FHIT: variants seen among roughly 807,000 people sequenced by gnomAD.
FHIT encodes the protein bis(5'-adenosyl)-triphosphatase.
Under a neutral mutation model 17.9 loss-of-function variants are expected in FHIT, and 19 were observed. That is an observed-to-expected ratio of 1.06 (90% CI 0.74 to 1.56). The LOEUF is 1.56. Ranked by LOEUF, FHIT falls within the 40% of genes most tolerant of loss-of-function variation. The pLI is 0.00. For missense variants in FHIT, 248 were observed against 189.2 expected, an observed-to-expected ratio of 1.31 and a Z score of -1.82; for synonymous variants, 81 against 69.7, an observed-to-expected ratio of 1.16 and a Z score of -0.81.
At chr3:59,966,733 T>C (rs1385567986) in intron 7 of FHIT, among the ~76,000 whole-genome samples, 5 of 152,118 alleles carry the variant, frequency 3.3e-5, no homozygotes, top group Non-Finnish European at 5.9e-5. Context: ...GCTTGTTGGA[T>C]TGGAAGTTGC....
intron 2 of FHIT, among the ~76,000 whole-genome samples, chr3:61,120,285 C>A (rs929653331): frequency 7.9e-5 from 12 of 152,170 alleles, no homozygotes; most frequent in Admixed American, 2.6e-4. Flanking sequence ...CATGTTGTCA[C>A]TTATATAACA....
intron 3 of FHIT, among the ~76,000 whole-genome samples, chr3:60,933,668 TAGAAAAACAAATTATTTTTAAACACTA>T (rs1401253392): frequency 1.1e-4 from 16 of 152,208 alleles, no homozygotes; most frequent in African/African-American, 3.9e-4. Flanking sequence ...CCTCTGCAAT[TAGAAAAACAAATTATTTTTAAACACTA>T]AGAGCAAGGC....
intron 8 of FHIT, among the ~76,000 whole-genome samples, chr3:59,785,480 T>G (rs1444168686): frequency 6.6e-6 from 1 of 152,046 alleles, no homozygotes; most frequent in Non-Finnish European, 1.5e-5. Context: ...CAGCTAATTT[T>G]TGTATTTTTT....
chr3:60,796,102 T>C (rs1030804495), intron 4 of FHIT, among the ~76,000 whole-genome samples: 20 of 152,228 alleles, frequency 1.3e-4, no homozygotes, highest in African/African-American at 2.6e-4. Context: ...GTAAGACTTA[T>C]TCACTATCAT....
intron 4 of FHIT, among the ~76,000 whole-genome samples, chr3:60,651,811 A>G (rs1553688338): frequency 1.3e-5 from 2 of 152,202 alleles, no homozygotes; most frequent in Non-Finnish European, 2.9e-5. Context: ...TTTCTTTGAC[A>G]TGTGGCATAT....
chr3:60,163,251 G>A (rs1031894007), intron 5 of FHIT, among the ~76,000 whole-genome samples: 1 of 152,094 alleles, frequency 6.6e-6, no homozygotes, highest in Non-Finnish European at 1.5e-5. Flanking sequence ...AGTTGTATCT[G>A]CCTCCAAAAT....
chr3:59,996,144 C>T (rs1333200420), intron 7 of FHIT, among the ~76,000 whole-genome samples: 2 of 152,060 alleles, frequency 1.3e-5, no homozygotes, highest in African/African-American at 2.4e-5. Context: ...AGAGACCTCC[C>T]CATTCGTGCT....
chr3:60,483,935 T>C (rs556631966), intron 5 of FHIT, among the ~76,000 whole-genome samples: 21 of 152,222 alleles, frequency 1.4e-4, no homozygotes, highest in Middle Eastern at 3.4e-3. Context: ...AACCCCATCA[T>C]CTCAGCCCCC....
intron 4 of FHIT, among the ~76,000 whole-genome samples, chr3:60,547,332 T>C (rs1230434361): frequency 6.6e-6 from 1 of 152,166 alleles, no homozygotes; most frequent in African/African-American, 2.4e-5. Flanking sequence ...GTCCAAGGTT[T>C]AGACCCTTAG....
At chr3:60,784,176 T>C (rs559164682) in intron 4 of FHIT, among the ~76,000 whole-genome samples, 31 of 152,104 alleles carry the variant, frequency 2.0e-4, no homozygotes, top group Non-Finnish European at 4.3e-4. Flanking sequence ...CTGCACCCTC[T>C]AGCTTCTAAT....
Position 59,906,545 on chromosome 3 carries a change from T to C in FHIT, c.348+15801A>G, listed in dbSNP as rs9880557. Among the ~76,000 whole-genome samples, 1,234 of 152,342 alleles carry C rather than the reference T, an allele frequency of 8.1e-3. 23 individuals are homozygous for C. Among genetic ancestry groups the C allele is most frequent in the African/African-American group, 0.028 (1,170 of 41,580 alleles). On this transcript the variant is annotated intron_variant, in intron 8 of 9. Transcript: ENST00000492590. ...ATCTGCATGAAATGAGCCAAATTCA[T>C]ACTGCTTCTGTGGAGTTGGTTCCTG...
At chr3:60,320,813 T>C (rs2106803301) in intron 5 of FHIT, among the ~76,000 whole-genome samples, 1 of 152,346 alleles carries the variant, frequency 6.6e-6, no homozygotes, top group Non-Finnish European at 1.5e-5. Context: ...AACATATTAA[T>C]ATTTTAATCT....
chr3:60,541,828 A>T (rs1039218002), intron 4 of FHIT, among the ~76,000 whole-genome samples: 11 of 152,240 alleles, frequency 7.2e-5, no homozygotes, highest in African/African-American at 2.4e-4. Flanking sequence ...AGAAGAAGTC[A>T]TGTACCAGAA....
At chr3:60,505,194 T>G (rs1167180528) in intron 5 of FHIT, among the ~76,000 whole-genome samples, 1 of 152,230 alleles carries the variant, frequency 6.6e-6, no homozygotes, top group East Asian at 1.9e-4. Flanking sequence ...GATAAAAGGC[T>G]AAACCAGGTC....
intron 7 of FHIT, among the ~76,000 whole-genome samples, chr3:59,967,704 T>C (rs1707991032): frequency 6.6e-6 from 1 of 152,144 alleles, no homozygotes; most frequent in Admixed American, 6.6e-5. Context: ...GTTTCTATGT[T>C]TGTTGGATAA....
chr3:60,941,136 C>T (rs1708391881), intron 3 of FHIT, among the ~76,000 whole-genome samples: 1 of 152,138 alleles, frequency 6.6e-6, no homozygotes, highest in Admixed American at 6.5e-5. Flanking sequence ...CAAAATCCAG[C>T]ATGTATATTC....
At chr3:60,646,719 A>T (rs2107799960) in intron 4 of FHIT, among the ~76,000 whole-genome samples, 1 of 152,300 alleles carries the variant, frequency 6.6e-6, no homozygotes, top group African/African-American at 2.4e-5. Flanking sequence ...TAGAGAGCAG[A>T]GTTGACATGG....
intron 1 of FHIT, among the ~76,000 whole-genome samples, chr3:61,219,498 C>G (rs1170322925): frequency 1.3e-5 from 2 of 152,016 alleles, no homozygotes; most frequent in Non-Finnish European, 2.9e-5. Context: ...TTTCCTTGAC[C>G]TAAAAATCCA....
At chr3:60,564,712 T>A (rs375921976) in intron 4 of FHIT, among the ~76,000 whole-genome samples, 14 of 152,246 alleles carry the variant, frequency 9.2e-5, no homozygotes, top group Middle Eastern at 6.8e-3. Flanking sequence ...AATCTCATGA[T>A]CAAACTTGAA....
Sources: allele counts gnomAD v4.1 joint callset (sites outside exome capture counted in the v4.1 genomes callset), GRCh38; gene constraint gnomAD v4.1.1; transcripts MANE v1.5; gene names NCBI Gene and HGNC (gene_info 2026-07-23, HGNC 2026-07-21).